The following PDZRN3 variants were observed in gnomAD, a reference collection of about 807,000 sequenced individuals.
PDZRN3 encodes the protein PDZ domain containing ring finger 3, also known as E3 ubiquitin-protein ligase PDZRN3.
Under a neutral mutation model 85.7 loss-of-function variants are expected in PDZRN3, and 38 were observed. The observed-to-expected ratio is 0.44, with a 90% confidence interval of 0.34 to 0.58. PDZRN3 has a LOEUF of 0.58. PDZRN3 is among the 20% of genes least tolerant of loss of function. The pLI, the probability that PDZRN3 is intolerant of heterozygous loss-of-function variation, is 0.01. For synonymous variants in PDZRN3, 759 were observed against 638.0 expected (o/e 1.19, Z -2.86); for missense variants, 1,629 against 1,506.4 (o/e 1.08, Z -1.35).
rs1416829818 is a variant in PDZRN3, at chr3:73,385,681, G to T, written c.1623C>A (p.Ser541Arg). 1 of 1,604,372 alleles carries T rather than the reference G, an allele frequency of 6.2e-7. No individual in the cohort carries two copies. The highest frequency in any genetic ancestry group is 1.7e-4 in the Middle Eastern group (1 of 6,050). Residue 541 changes from serine (S) to arginine (R), a missense_variant, in exon 9 of 10, where the codon AGC (serine) becomes AGA (arginine). Physicochemically the swap from Ser to Arg is moderately radical, Grantham distance 110 (BLOSUM62 -1). Coordinates refer to ENST00000263666, the MANE Select transcript of PDZRN3 (RefSeq NM_015009.3). ...GCGTGGGCGTTACCTGCTGCAGCAC[G>T]CTAGCTGTGAATTGCATGGCCTGGT... ...QHHQAMQFTA[S>R]VLQQKKHDED...
intron 3 of PDZRN3, among the ~76,000 whole-genome samples, chr3:73,594,934 T>C (rs1036828916): frequency 6.6e-6 from 1 of 152,164 alleles, no homozygotes; most frequent in African/African-American, 2.4e-5. Context: ...AAAAACATCA[T>C]TTAAGTGAGT....
intron 3 of PDZRN3, among the ~76,000 whole-genome samples, chr3:73,545,706 T>C (rs1439820457): frequency 6.6e-6 from 1 of 152,214 alleles, no homozygotes; most frequent in Non-Finnish European, 1.5e-5. Flanking sequence ...ACTCAAAACA[T>C]GTCAATAAAA....
At chr3:73,472,299 G>A (rs532282184) in intron 3 of PDZRN3, among the ~76,000 whole-genome samples, 4 of 152,364 alleles carry the variant, frequency 2.6e-5, no homozygotes, top group African/African-American at 9.6e-5. Context: ...CTGAGGCCGA[G>A]AGTAGACATT....
chr3:73,568,802 G>A (rs182462168), intron 3 of PDZRN3, among the ~76,000 whole-genome samples: 6 of 152,298 alleles, frequency 3.9e-5, no homozygotes, highest in Non-Finnish European at 8.8e-5. Context: ...GCACTAGGAG[G>A]AAAGTCAAAT....
intron 5 of PDZRN3, among the ~76,000 whole-genome samples, chr3:73,400,483 A>G (rs2106718599): frequency 6.6e-6 from 1 of 152,334 alleles, no homozygotes; most frequent in South Asian, 2.1e-4. Flanking sequence ...AAGCAAGTGA[A>G]GCAGTGAACA....
At chr3:73,525,573 G>C (rs2106740379) in intron 3 of PDZRN3, among the ~76,000 whole-genome samples, 1 of 152,340 alleles carries the variant, frequency 6.6e-6, no homozygotes, top group South Asian at 2.1e-4. Flanking sequence ...GAGAGCTGCA[G>C]AGTTCTTCTT....
rs564280360 is a variant in PDZRN3 at position 73,384,090 on chromosome 3, G to A, written c.2476C>T (p.Leu826=). Residue 826 remains leucine, a synonymous_variant, in exon 10 of 10, where the codon CTG becomes TTG. Coordinates refer to ENST00000263666, the MANE Select transcript of PDZRN3 (RefSeq NM_015009.3). Reference sequence around the variant, plus strand: ...GGCTGGTTGGGGTCCAGCTCCTTCAGGGACGGGCTATAGGTAGGGGTGCCC... The same window carrying A: ...GGCTGGTTGGGGTCCAGCTCCTTCAAGGACGGGCTATAGGTAGGGGTGCCC... The part of the protein sequence containing the change: ...EVGTPTYSPS[L]KELDPNQPLE... 1.9e-5 allele frequency: 31 copies of A among 1,613,586 alleles called. No individual in the cohort carries two copies. In the South Asian group the frequency reaches 2.9e-4, roughly 15 times the overall value.
At chr3:73,602,244 A>C in intron 3 of PDZRN3, 110 bp downstream of exon 3, 1 of 664,240 alleles carries the variant, frequency 1.5e-6, no homozygotes, top group South Asian at 1.9e-5. Context: ...ACTCCCGCTC[A>C]ACCATCTACC....
chr3:73,533,560 A>C lies in PDZRN3; in HGVS notation c.918+68794T>G, dbSNP rs113931026. Among the ~76,000 whole-genome samples the C allele has an allele frequency of 5.1e-3, 776 of 151,922 alleles. 4 individuals carry two copies. Among genetic ancestry groups the C allele is most frequent in the African/African-American group, 0.018 (759 of 41,444 alleles). On this transcript the variant is annotated intron_variant, in intron 3 of 9. Transcript: ENST00000263666. ...CTTTAAAAAATTGTTTTTTTTTTTA[A>C]ATTTTGTAACAAGAGTGGCCTAGGG...
At chr3:73,530,184 T>A (rs1704620832) in intron 3 of PDZRN3, among the ~76,000 whole-genome samples, 1 of 152,232 alleles carries the variant, frequency 6.6e-6, no homozygotes, top group Admixed American at 6.5e-5. Context: ...ATCTGAATTC[T>A]CTGTCAGCCT....
At chr3:73,608,807 TG>T (rs757971793) in intron 1 of PDZRN3, 123 bp from the exon 2 acceptor site, 5 of 657,090 alleles carry the variant, frequency 7.6e-6, no homozygotes, top group Non-Finnish European at 1.3e-5. Flanking sequence ...TGTTATCTCT[TG>T]GGAAGTTTAA....
intron 3 of PDZRN3, among the ~76,000 whole-genome samples, chr3:73,505,510 T>A (rs2106695012): frequency 1.3e-5 from 2 of 152,320 alleles, no homozygotes; most frequent in South Asian, 4.1e-4. Flanking sequence ...ACATTTTATT[T>A]AACAAACCAG....
chr3:73,550,863 C>A (rs1701536443), intron 3 of PDZRN3, among the ~76,000 whole-genome samples: 1 of 152,170 alleles, frequency 6.6e-6, no homozygotes. Context: ...GAACAAGGGT[C>A]ATACAGACAG....
chr3:73,595,780 T>G (rs1305735405), intron 3 of PDZRN3, among the ~76,000 whole-genome samples: 1 of 152,150 alleles, frequency 6.6e-6, no homozygotes, highest in Non-Finnish European at 1.5e-5. Flanking sequence ...GGACTGAAAT[T>G]AGAGGTATTG....
intron 3 of PDZRN3, among the ~76,000 whole-genome samples, chr3:73,544,167 T>C (rs1374491011): frequency 6.6e-6 from 1 of 152,156 alleles, no homozygotes; most frequent in Non-Finnish European, 1.5e-5. Context: ...GAGCCAAGAT[T>C]GCACCACTGC....
chr3:73,437,095 T>C (rs111842197), intron 3 of PDZRN3, among the ~76,000 whole-genome samples: 143 of 151,840 alleles, frequency 9.4e-4, no homozygotes, highest in Non-Finnish European at 1.9e-3. Context: ...CTGTTGTTTA[T>C]ATGGGTTATA....
rs1559644048 is a variant in PDZRN3 at position 73,383,437 on chromosome 3, G to A, written c.3129C>T (p.Leu1043=). ...CCGGGGATTTTGTGCCGTGGGTTAA[G>A]AGTTCTTGGATCGTCATCCAGTTAT... The part of the protein sequence containing the change: ...IFDNWMTIQE[L]LTHGTKSPDG... The change falls in exon 10 of 10, where the codon CTC becomes CTT. Residue 1043 remains leucine, a synonymous_variant. Transcript: ENST00000263666. 6.2e-7 allele frequency: 1 copy of A among 1,614,138 alleles called. No homozygotes were observed. The highest frequency in any genetic ancestry group is 1.7e-5 in the Admixed American group (1 of 60,034).
intron 3 of PDZRN3, among the ~76,000 whole-genome samples, chr3:73,530,086 T>C (rs908665672): frequency 2.0e-5 from 3 of 152,204 alleles, no homozygotes; most frequent in African/African-American, 7.2e-5. Flanking sequence ...CTGATAACCA[T>C]TACGAAAGCC....
At chr3:73,498,588 C>CTTTTTT (rs1186666541) in intron 3 of PDZRN3, among the ~76,000 whole-genome samples, 1 of 144,066 alleles carries the variant, frequency 6.9e-6, no homozygotes. Flanking sequence ...TGATTCATAA[C>CTTTTTT]TTTTTTTTTT....
Sources: gnomAD v4.1 joint callset for allele counts (sites outside exome capture counted in the v4.1 genomes callset) on GRCh38, gnomAD v4.1.1 for gene constraint, MANE v1.5 for transcripts, NCBI Gene and HGNC (gene_info 2026-07-23, HGNC 2026-07-21) for gene names.